Variants in COL19A1 observed in about 807,000 individuals in gnomAD.
COL19A1 encodes the protein collagen alpha-1(XIX) chain.
Under a neutral mutation model 190.2 loss-of-function variants are expected in COL19A1, and 159 were observed. The observed-to-expected ratio is 0.84, with a 90% CI of 0.73 to 0.95. The LOEUF (loss-of-function observed/expected upper bound fraction) is 0.95. COL19A1 is among the 40% of genes least tolerant of loss of function. COL19A1 has a pLI of 0.00. For synonymous variants in COL19A1, 509 were observed against 458.9 expected, an observed-to-expected ratio of 1.11 and a Z score of -1.39; for missense variants, 1,418 against 1,431.9, an observed-to-expected ratio of 0.99 and a Z score of 0.16.
At chr6:70,026,359 A>C (rs1040928868) in intron 12 of COL19A1, among the ~76,000 whole-genome samples, 5 of 152,224 alleles carry the variant, frequency 3.3e-5, no homozygotes, top group African/African-American at 1.2e-4. Flanking sequence ...CCAAAGGCCT[A>C]GTGAGCAGTG....
chr6:70,094,007 G>A (rs1405009681), intron 15 of COL19A1, among the ~76,000 whole-genome samples: 2 of 152,134 alleles, frequency 1.3e-5, no homozygotes, highest in African/African-American at 4.8e-5. Context: ...ATGCTGAATT[G>A]CATTTTCTTC....
intron 9 of COL19A1, among the ~76,000 whole-genome samples, chr6:69,949,820 G>C (rs9454923): frequency 6.7e-4 from 102 of 151,852 alleles, no homozygotes; most frequent in African/African-American, 2.4e-3. Flanking sequence ...AGAATCAGGA[G>C]TACTTAAGAG....
At chr6:70,141,244 T>C (rs1786230811) in intron 20 of COL19A1, among the ~76,000 whole-genome samples, 2 of 152,098 alleles carry the variant, frequency 1.3e-5, no homozygotes, top group Admixed American at 6.6e-5. Flanking sequence ...CAGTTACTAA[T>C]AGTGATTGGA....
chr6:69,948,635 TAGA>T (rs1173345458), intron 9 of COL19A1, among the ~76,000 whole-genome samples: 1 of 151,782 alleles, frequency 6.6e-6, no homozygotes, highest in Admixed American at 6.6e-5. Context: ...AGAAATTCTC[TAGA>T]AGAAGAGAGA....
At chr6:70,166,066 A>T in intron 37 of COL19A1, 81 bp downstream of exon 37, 3 of 1,197,914 alleles carry the variant, frequency 2.5e-6, no homozygotes, top group Non-Finnish European at 3.7e-6. Context: ...CTACATTTAG[A>T]TGTTTTCAAA....
At chr6:69,895,826 C>T (rs562560950) in intron 2 of COL19A1, among the ~76,000 whole-genome samples, 77 of 152,164 alleles carry the variant, frequency 5.1e-4, no homozygotes, top group Admixed American at 1.2e-3. Flanking sequence ...TATGGCTATA[C>T]AGTTTTTCAT....
At chr6:69,926,746 A>T (rs1399062628) in intron 4 of COL19A1, among the ~76,000 whole-genome samples, 1 of 152,176 alleles carries the variant, frequency 6.6e-6, no homozygotes, top group East Asian at 1.9e-4. Flanking sequence ...GGTAAAAGGT[A>T]TTAACTTATA....
Position 70,156,734 on chromosome 6 carries a change from C to A in COL19A1, c.2292+11C>A, listed in dbSNP as rs941891806. ...GAGAAAGGCGATGAGGTAACAGATT[C>A]TTTTCTGATTATATAGTCCTAATAT... On this transcript the variant is annotated intron_variant, in intron 34 of 50. Transcript: ENST00000620364. 6.2e-7 allele frequency: 1 copy of A among 1,603,348 alleles called. No individual in the cohort carries two copies. The highest frequency in any genetic ancestry group is 8.5e-7 in the Non-Finnish European group (1 of 1,172,438).
intron 16 of COL19A1, among the ~76,000 whole-genome samples, chr6:70,120,880 C>G (rs1784847077): frequency 6.6e-6 from 1 of 152,196 alleles, no homozygotes; most frequent in Non-Finnish European, 1.5e-5. Context: ...AAGGTGTTAC[C>G]TGCATCAGTG....
chr6:70,030,671 T>C (rs1286595627), intron 12 of COL19A1, among the ~76,000 whole-genome samples: 1 of 152,218 alleles, frequency 6.6e-6, no homozygotes, highest in Non-Finnish European at 1.5e-5. Flanking sequence ...CTCTGCATAG[T>C]TTTACACAAG....
intron 11 of COL19A1, among the ~76,000 whole-genome samples, chr6:69,998,096 T>C (rs1452630155): frequency 6.6e-6 from 1 of 151,880 alleles, no homozygotes; most frequent in African/African-American, 2.4e-5. Flanking sequence ...AAAAAAGAGA[T>C]TGTCAACTAT....
chr6:70,127,690 G>A (rs1286996349), intron 17 of COL19A1, among the ~76,000 whole-genome samples: 4 of 152,168 alleles, frequency 2.6e-5, no homozygotes, highest in African/African-American at 4.8e-5. Context: ...CTAACATGGT[G>A]GCAGACATCA....
intron 14 of COL19A1, among the ~76,000 whole-genome samples, chr6:70,037,151 A>AATTTT (rs1314527965): frequency 1.3e-5 from 2 of 151,974 alleles, no homozygotes; most frequent in Non-Finnish European, 1.5e-5. Context: ...TACTTTGTAG[A>AATTTT]ATTTTATTTT....
chr6:70,184,858 A>G lies in COL19A1; in HGVS notation c.2812-13A>G, dbSNP rs1360822657. The G allele has an allele frequency of 3.1e-6, 5 of 1,612,918 alleles. No homozygotes were observed. In the Admixed American group the frequency reaches 5.0e-5, roughly 16 times the overall value. On this transcript the variant is annotated splice_polypyrimidine_tract_variant and intron_variant, in intron 45 of 50. Coordinates refer to ENST00000620364, the MANE Select transcript of COL19A1 (RefSeq NM_001858.6). ...GGCAAGGAGTGATTTTCATGTTGACATCTGTTTTTCAGGGCATCATGGGTA... is the reference window on the plus strand; with the variant it reads ...GGCAAGGAGTGATTTTCATGTTGACGTCTGTTTTTCAGGGCATCATGGGTA...
chr6:69,895,404 G>C (rs1378458180), intron 2 of COL19A1, among the ~76,000 whole-genome samples: 1 of 152,172 alleles, frequency 6.6e-6, no homozygotes, highest in Non-Finnish European at 1.5e-5. Context: ...AATGTCGCAG[G>C]ACTTTTCCTT....
At chr6:70,108,791 G>A (rs145241651) in intron 16 of COL19A1, among the ~76,000 whole-genome samples, 204 of 152,138 alleles carry the variant, frequency 1.3e-3, no homozygotes, top group Middle Eastern at 3.4e-3. Flanking sequence ...TCTAAAACAA[G>A]TCTGATTTGA....
intron 15 of COL19A1, among the ~76,000 whole-genome samples, chr6:70,076,271 ATTCTAAC>A (rs1242423154): frequency 2.0e-5 from 3 of 152,220 alleles, no homozygotes; most frequent in Non-Finnish European, 4.4e-5. Flanking sequence ...AGGGCTATTT[ATTCTAAC>A]TGTTCTGCAT....
At chr6:70,194,881 A>C (rs1476262943) in intron 48 of COL19A1, among the ~76,000 whole-genome samples, 2 of 151,950 alleles carry the variant, frequency 1.3e-5, no homozygotes, top group African/African-American at 4.8e-5. Flanking sequence ...GTATTCCCGA[A>C]CAATGTTTCT....
chr6:69,921,417 TC>T (rs370415580), intron 4 of COL19A1, among the ~76,000 whole-genome samples: 108 of 89,324 alleles, frequency 1.2e-3, no homozygotes, highest in African/African-American at 2.7e-3. Context: ...ATATCATATA[TC>T]ATATATATCA....
Sources: allele counts gnomAD v4.1 joint callset (sites outside exome capture counted in the v4.1 genomes callset), GRCh38; gene constraint gnomAD v4.1.1; transcripts MANE v1.5; gene names NCBI Gene and HGNC (gene_info 2026-07-23, HGNC 2026-07-21).